Variants in PLCL1 observed in about 807,000 individuals in gnomAD.
PLCL1 encodes phospholipase C like 1 (inactive).
A neutral mutation model predicts 84.4 loss-of-function variants in PLCL1; 41 were observed. The observed-to-expected ratio is 0.49, with a 90% confidence interval of 0.38 to 0.63. The LOEUF is 0.63. PLCL1 is among the 30% of genes least tolerant of loss of function. PLCL1 has a pLI of 0.00. For missense variants in PLCL1, 1,206 were observed against 1,367.8 expected (o/e 0.88, Z 1.87); for synonymous variants, 490 against 488.3 (o/e 1.00, Z -0.05).
intron 1 of PLCL1, among the ~76,000 whole-genome samples, chr2:197,887,468 T>G (rs916871301): frequency 6.6e-6 from 1 of 152,336 alleles, no homozygotes; most frequent in African/African-American, 2.4e-5. Flanking sequence ...TTAGTTCTGC[T>G]AAATATTGTA....
chr2:198,060,740 C>G (rs560646693), intron 1 of PLCL1, among the ~76,000 whole-genome samples: 1 of 152,210 alleles, frequency 6.6e-6, no homozygotes, highest in South Asian at 2.1e-4. Context: ...TCAGAGCTTT[C>G]TACCTTTATA....
chr2:198,019,170 A>C (rs1691073682), intron 1 of PLCL1, among the ~76,000 whole-genome samples: 1 of 152,224 alleles, frequency 6.6e-6, no homozygotes, highest in Non-Finnish European at 1.5e-5. Flanking sequence ...ACTAATAAAC[A>C]AAAAGCAGTA....
chr2:197,820,789 T>C (rs1444072843), intron 1 of PLCL1, among the ~76,000 whole-genome samples: 1 of 152,162 alleles, frequency 6.6e-6, no homozygotes, highest in African/African-American at 2.4e-5. Flanking sequence ...AAAGCAAAAC[T>C]GTGATTTAAG....
intron 1 of PLCL1, among the ~76,000 whole-genome samples, chr2:198,017,080 A>C (rs1284118613): frequency 6.6e-6 from 1 of 152,214 alleles, no homozygotes; most frequent in African/African-American, 2.4e-5. Flanking sequence ...CCAGGAAAAT[A>C]ATATGTACCA....
intron 5 of PLCL1, among the ~76,000 whole-genome samples, chr2:198,130,402 C>T (rs944929532): frequency 9.9e-5 from 15 of 152,184 alleles, no homozygotes; most frequent in African/African-American, 2.9e-4. Flanking sequence ...CCCTGGGGGA[C>T]ACAGTTCATG....
At position 197,805,354 on chromosome 2, in the gene PLCL1, G is replaced by A. The variant is rs1449600807; in HGVS notation, c.240+15G>A. 2 of 1,338,212 alleles carry A rather than the reference G, an allele frequency of 1.5e-6. No homozygotes were observed. The highest frequency in any genetic ancestry group is 9.5e-7 in the Non-Finnish European group (1 of 1,050,404). The allele number at this position is 1,338,212 out of a possible 1,614,324, so 82.9% of individuals were successfully genotyped here. On this transcript the variant is annotated intron_variant, in intron 1 of 5. Transcript: ENST00000428675. The surrounding 1 kb of genome is among the most constrained non-coding windows in gnomAD (Gnocchi z 4.0). ...GCATCATCAAGGTAAGCAAAGCCGC[G>A]CCGCACCGGGAGCGTGGCTGTGGGT...
intron 1 of PLCL1, among the ~76,000 whole-genome samples, chr2:197,869,279 A>G (rs554727865): frequency 6.6e-6 from 1 of 152,168 alleles, no homozygotes; most frequent in African/African-American, 2.4e-5. Flanking sequence ...CCATTCCACA[A>G]TGTACTTAGT....
At chr2:197,806,414 T>G (rs774615038) in intron 1 of PLCL1, among the ~76,000 whole-genome samples, 18 of 152,202 alleles carry the variant, frequency 1.2e-4, no homozygotes, top group Non-Finnish European at 2.5e-4. Flanking sequence ...GCGTAACCAG[T>G]GCATCACGCA....
chr2:197,919,691 T>C (rs1688668444), intron 1 of PLCL1, among the ~76,000 whole-genome samples: 1 of 152,226 alleles, frequency 6.6e-6, no homozygotes, highest in African/African-American at 2.4e-5. Flanking sequence ...GAGGACATTT[T>C]AAGGGCTGGT....
intron 1 of PLCL1, among the ~76,000 whole-genome samples, chr2:197,826,768 A>G (rs1690938169): frequency 6.6e-6 from 1 of 152,196 alleles, no homozygotes; most frequent in Non-Finnish European, 1.5e-5. Flanking sequence ...TAACAGAAGT[A>G]TAGTATAGAG....
chr2:197,846,407 T>C (rs1428250263), intron 1 of PLCL1, among the ~76,000 whole-genome samples: 1 of 152,148 alleles, frequency 6.6e-6, no homozygotes, highest in Non-Finnish European at 1.5e-5. Context: ...GGAATGTTAA[T>C]GGTAGTACGA....
intron 1 of PLCL1, among the ~76,000 whole-genome samples, chr2:198,041,232 T>C (rs985891846): frequency 6.6e-6 from 1 of 152,234 alleles, no homozygotes; most frequent in African/African-American, 2.4e-5. Flanking sequence ...CAATCTTGAA[T>C]TTTACTTAGC....
chr2:197,971,093 A>C (rs1056753772), intron 1 of PLCL1, among the ~76,000 whole-genome samples: 1 of 152,226 alleles, frequency 6.6e-6, no homozygotes, highest in Non-Finnish European at 1.5e-5. Context: ...TTATCTTTGT[A>C]AAAATAACAA....
chr2:197,986,623 A>G (rs1012851815), intron 1 of PLCL1, among the ~76,000 whole-genome samples: 1 of 152,204 alleles, frequency 6.6e-6, no homozygotes, highest in Non-Finnish European at 1.5e-5. Flanking sequence ...TGTTAAGATT[A>G]TAGGTGTGAG....
intron 5 of PLCL1, among the ~76,000 whole-genome samples, chr2:198,108,237 T>C (rs910715193): frequency 1.3e-5 from 2 of 151,844 alleles, no homozygotes; most frequent in Non-Finnish European, 2.9e-5. Context: ...TTAATAACCA[T>C]CCTGGAAAGA....
At chr2:198,036,993 G>A (rs985465245) in intron 1 of PLCL1, among the ~76,000 whole-genome samples, 2 of 152,074 alleles carry the variant, frequency 1.3e-5, no homozygotes, top group African/African-American at 4.8e-5. Context: ...TGGACACTGG[G>A]CCATTTAGGA....
chr2:198,048,901 C>T (rs1240198751), intron 1 of PLCL1, among the ~76,000 whole-genome samples: 3 of 152,148 alleles, frequency 2.0e-5, no homozygotes, highest in Non-Finnish European at 2.9e-5. Context: ...GCTTTCAGAC[C>T]ATATTCAGCA....
Position 198,148,233 on chromosome 2 carries a change from G to A in PLCL1, c.*1271G>A, listed in dbSNP as rs1273005605. On this transcript the variant is annotated 3_prime_UTR_variant, in exon 6 of 6. Transcript: ENST00000428675. ...TAAAGCATTGCTTTTATTTTGAAAA[G>A]CTTCTTAATTAATTTGATTAACAAA... 6.6e-6 allele frequency: 1 copy of A among 152,246 alleles called. No homozygotes were observed. The highest frequency in any genetic ancestry group is 2.4e-5 in the African/African-American group (1 of 41,436). 9.4% of individuals were successfully genotyped at this position (152,246 alleles called of 1,614,324 possible).
chr2:197,987,931 C>T (rs1425982103), intron 1 of PLCL1, among the ~76,000 whole-genome samples: 1 of 152,100 alleles, frequency 6.6e-6, no homozygotes, highest in East Asian at 1.9e-4. Flanking sequence ...TTGGAGGGTG[C>T]ATTTTTGAAT....
Sources: gnomAD v4.1 joint callset for allele counts (sites outside exome capture counted in the v4.1 genomes callset) on GRCh38, gnomAD v4.1.1 for gene constraint, Gnocchi (gnomAD v3.1) non-coding constraint, MANE v1.5 for transcripts, NCBI Gene and HGNC (gene_info 2026-07-23, HGNC 2026-07-21) for gene names.